Variants in TARBP1 observed in about 807,000 individuals in gnomAD.
TARBP1 encodes the protein tRNA (guanosine(18)-2'-O)-methyltransferase TARBP1.
TARBP1 carries 144 observed loss-of-function variants against 178.6 expected under a neutral mutation model. The observed-to-expected ratio is 0.81, with a 90% confidence interval of 0.70 to 0.93. TARBP1 has a LOEUF of 0.93. TARBP1 is among the 40% of genes least tolerant of loss of function. The pLI, the probability that TARBP1 is intolerant of heterozygous loss-of-function variation, is 0.00. For missense variants in TARBP1, 2,067 were observed against 2,011.7 expected (o/e 1.03, Z -0.53); for synonymous variants, 787 against 781.0 (o/e 1.01, Z -0.13).
At chr1:234,444,479 T>TA (rs1291200422) in intron 12 of TARBP1, among the ~76,000 whole-genome samples, 1 of 152,152 alleles carries the variant, frequency 6.6e-6, no homozygotes, top group Non-Finnish European at 1.5e-5. Context: ...AGTAAAGTGG[T>TA]ATTGCACATC....
At chr1:234,401,302 A>T in intron 24 of TARBP1, 40 bp from the exon 25 acceptor site, 1 of 1,482,816 alleles carries the variant, frequency 6.7e-7, no homozygotes. Context: ...AGACAAATGA[A>T]ACAACTCTGG....
intron 23 of TARBP1, 125 bp downstream of exon 23, chr1:234,410,320 G>C: frequency 1.7e-6 from 1 of 580,678 alleles, no homozygotes; most frequent in South Asian, 2.1e-5. Context: ...CACATTAGCA[G>C]GGCAGTGGAA....
intron 7 of TARBP1, among the ~76,000 whole-genome samples, chr1:234,459,583 G>A (rs1035076160): frequency 4.6e-5 from 7 of 152,138 alleles, no homozygotes; most frequent in African/African-American, 1.4e-4. Context: ...AGATTGAGGC[G>A]GGTAGGTCAC....
rs1421702538 is a variant in TARBP1 at position 234,429,515 on chromosome 1, C to T, written c.2772G>A (p.Met924Ile). The T allele has an allele frequency of 5.0e-6, 8 of 1,614,022 alleles. No individual in the cohort carries two copies. Among genetic ancestry groups the T allele is most frequent in the Non-Finnish European group, 5.9e-6 (7 of 1,180,030 alleles). The change falls in exon 16 of 30, where the codon ATG becomes ATA. Residue 924 changes from methionine (M) to isoleucine (I), a missense_variant. By Grantham distance (10) the Met-to-Ile change is conservative. Transcript: ENST00000040877. Reference sequence around the variant, plus strand: ...GTGCAGACTGCAAAGTCCTTATTGGCATCTGAACGGCAGGTAGAAACGGTT... The same window carrying T: ...GTGCAGACTGCAAAGTCCTTATTGGTATCTGAACGGCAGGTAGAAACGGTT... ...ILEPFLPAVQ[M>I]PIRTLQSALE...
chr1:234,478,265 G>C lies in TARBP1; in HGVS notation c.839C>G (p.Thr280Arg), dbSNP rs771618547. The change falls in exon 1 of 30, where the codon ACG (threonine) becomes AGG (arginine). Residue 280 changes from threonine to arginine, a missense_variant. Transcript: ENST00000040877. ...QAGLGQADAL[T>R]RKRARYLLQR... ...CAGCAGGTAGCGCGCTCGCTTGCGC[G>C]TCAGGGCGTCCGCCTGGCCCAGCCC... 2 of 1,600,712 alleles carry C rather than the reference G, an allele frequency of 1.2e-6. No individual in the cohort carries two copies. The highest frequency in any genetic ancestry group is 2.2e-5 in the South Asian group (2 of 90,098).
Position 234,418,181 on chromosome 1 carries a change from T to C in TARBP1, c.3608A>G (p.Asn1203Ser), listed in dbSNP as rs777792691. 4 of 1,553,836 alleles carry C rather than the reference T, an allele frequency of 2.6e-6. No homozygotes were observed. Among genetic ancestry groups the C allele is most frequent in the Admixed American group, 2.3e-5 (1 of 43,320 alleles). Reference protein sequence around the residue: ...DRIFQAGFTNNQASIKYFIEW... With the variant: ...DRIFQAGFTNSQASIKYFIEW... ...TATAAAATATTTTATGGATGCTTGA[T>C]TGTTGGTGAAACCAGCCTGGAAAAT... The change falls in exon 22 of 30, where the codon AAT becomes AGT. Residue 1203 changes from asparagine to serine, a missense_variant. Coordinates refer to ENST00000040877, the MANE Select transcript of TARBP1 (RefSeq NM_005646.4).
At chr1:234,413,673 A>G (rs981669016) in intron 22 of TARBP1, among the ~76,000 whole-genome samples, 2 of 152,140 alleles carry the variant, frequency 1.3e-5, no homozygotes, top group African/African-American at 4.8e-5. Flanking sequence ...GACGTAAGAC[A>G]CTGTGTTCAG....
intron 26 of TARBP1, among the ~76,000 whole-genome samples, chr1:234,396,595 C>T (rs182609733): frequency 9.2e-5 from 14 of 152,090 alleles, no homozygotes; most frequent in African/African-American, 2.7e-4. Flanking sequence ...ATGTCTAACA[C>T]GCAGGAGACA....
intron 19 of TARBP1, 49 bp downstream of exon 19, chr1:234,427,268 T>C (rs1663882193): frequency 7.4e-7 from 1 of 1,348,976 alleles, no homozygotes; most frequent in African/African-American, 1.5e-5. Context: ...TGATGTTAAA[T>C]TTTTAGTATC....
chr1:234,427,693 T>C lies in TARBP1; in HGVS notation c.3134A>G (p.Gln1045Arg), dbSNP rs1416193792. 1.3e-6 allele frequency: 2 copies of C among 1,555,154 alleles called. No individual in the cohort carries two copies. Among genetic ancestry groups the C allele is most frequent in the South Asian group, 1.3e-5 (1 of 79,904 alleles). The change falls in exon 18 of 30, where the codon CAG becomes CGG. Residue 1045 changes from glutamine to arginine, a missense_variant. Transcript: ENST00000040877. ...VFNTLISYCC[Q>R]SWIVSASNVS... ...ATTTGAAGCAGACACTATCCAAGAC[T>C]GACAGCAGTAACTTATCAGTGTATT...
intron 17 of TARBP1, 122 bp from the exon 18 acceptor site, chr1:234,427,888 C>A: frequency 1.8e-6 from 1 of 541,598 alleles, no homozygotes; most frequent in Non-Finnish European, 2.9e-6. Context: ...AAATTCATTA[C>A]TGTTAGAATA....
Position 234,425,769 on chromosome 1 carries a change from C to T in TARBP1, c.3348G>A (p.Val1116=). 1 of 1,593,308 alleles carries T rather than the reference C, an allele frequency of 6.3e-7. No individual in the cohort carries two copies. Among genetic ancestry groups the T allele is most frequent in the Non-Finnish European group, 8.6e-7 (1 of 1,162,862 alleles). ...MENTKREDHY[V]RICAVKFLCL... is the part of the protein sequence containing the mutation. ...ACAGGAATTTGACAGCACAAATTCT[C>T]ACATAATGGTCTTCTCTCTTAGTAC... The change falls in exon 20 of 30, where the codon GTG becomes GTA. Residue 1116 remains valine, a synonymous_variant. Transcript: ENST00000040877.
intron 14 of TARBP1, 51 bp downstream of exon 14, chr1:234,433,359 C>T (rs1288889101): frequency 1.9e-6 from 3 of 1,556,602 alleles, no homozygotes; most frequent in Non-Finnish European, 2.6e-6. Context: ...ATATGTATTC[C>T]CTGTATGCCT....
Position 234,478,569 on chromosome 1 carries a change from C to G in TARBP1, c.535G>C (p.Asp179His). 7.7e-6 allele frequency: 10 copies of G among 1,294,368 alleles called. No individual in the cohort carries two copies. The highest frequency in any genetic ancestry group is 9.8e-6 in the Non-Finnish European group (10 of 1,023,660). 80.2% of individuals were successfully genotyped at this position (1,294,368 alleles called of 1,614,324 possible). A position where few individuals can be genotyped will look rare whatever the true frequency, so the allele number is the denominator to read the frequency against. Reference protein sequence around the residue: ...ALALGGGGDGDEAGPAEDAAA... With the variant: ...ALALGGGGDGHEAGPAEDAAA... ...GCGTCCTCGGCAGGCCCGGCCTCAT[C>G]CCCGTCCCCGCCCCCGCCCAGCGCC... Residue 179 changes from aspartate (D) to histidine (H), a missense_variant, in exon 1 of 30, where the codon GAT (aspartate) becomes CAT (histidine). Asp to His is a moderately conservative substitution (Grantham distance 81). Coordinates refer to ENST00000040877, the MANE Select transcript of TARBP1 (RefSeq NM_005646.4).
At chr1:234,431,260 A>G (rs925295344) in intron 14 of TARBP1, among the ~76,000 whole-genome samples, 1 of 152,226 alleles carries the variant, frequency 6.6e-6, no homozygotes, top group Admixed American at 6.5e-5. Context: ...CACTGCCAAC[A>G]TATGAAATAG....
At chr1:234,474,726 C>T (rs1420664523) in intron 1 of TARBP1, among the ~76,000 whole-genome samples, 1 of 152,170 alleles carries the variant, frequency 6.6e-6, no homozygotes, top group African/African-American at 2.4e-5. Flanking sequence ...ATTCTACCCT[C>T]AGTCAAACCA....
intron 11 of TARBP1, among the ~76,000 whole-genome samples, chr1:234,447,266 C>G (rs1430492893): frequency 6.7e-6 from 1 of 149,814 alleles, no homozygotes; most frequent in Non-Finnish European, 1.5e-5. Flanking sequence ...ATTAATGACA[C>G]CCTGCTTCCA....
intron 11 of TARBP1, among the ~76,000 whole-genome samples, chr1:234,447,219 G>C (rs1384674025): frequency 2.0e-5 from 3 of 152,032 alleles, no homozygotes; most frequent in African/African-American, 7.2e-5. Context: ...GGCACCAGCA[G>C]GAAGGAAATC....
chr1:234,402,969 G>T (rs1428526159), intron 24 of TARBP1, among the ~76,000 whole-genome samples: 1 of 151,946 alleles, frequency 6.6e-6, no homozygotes, highest in Non-Finnish European at 1.5e-5. Context: ...AGTACTTTAG[G>T]CCCTTGTTTA....
Sources: allele counts gnomAD v4.1 joint callset (sites outside exome capture counted in the v4.1 genomes callset), GRCh38; gene constraint gnomAD v4.1.1; transcripts MANE v1.5; gene names NCBI Gene and HGNC (gene_info 2026-07-23, HGNC 2026-07-21).